FNIP2: variants seen among roughly 807,000 people sequenced by gnomAD.
The protein encoded by FNIP2 is folliculin interacting protein 2.
Under a neutral mutation model 108.7 loss-of-function variants are expected in FNIP2, and 32 were observed. The ratio of observed to expected loss-of-function variants is 0.29; its 90% CI spans 0.22 to 0.40. The LOEUF (loss-of-function observed/expected upper bound fraction) is 0.40. FNIP2 is among the 10% of genes least tolerant of loss of function. The probability of loss-of-function intolerance (pLI) is 1.00; values close to 1 mark genes in which losing one functional copy is unlikely to be tolerated. For synonymous variants in FNIP2, 480 were observed against 496.7 expected (o/e 0.97, Z 0.45); for missense variants, 1,202 against 1,381.6 (o/e 0.87, Z 2.06).
intron 1 of FNIP2, among the ~76,000 whole-genome samples, chr4:158,781,086 A>G (rs930348776): frequency 1.3e-5 from 2 of 151,942 alleles, no homozygotes; most frequent in African/African-American, 2.4e-5. Context: ...TACTATTTCT[A>G]GGGAGCTTAC....
At chr4:158,856,870 C>G (rs986489244) in intron 8 of FNIP2, among the ~76,000 whole-genome samples, 4 of 152,158 alleles carry the variant, frequency 2.6e-5, no homozygotes, top group African/African-American at 9.7e-5. Flanking sequence ...TCTTAAACAT[C>G]ATTTTTTGTA....
chr4:158,902,548 G>A (rs1729418581), intron 16 of FNIP2, among the ~76,000 whole-genome samples: 1 of 151,898 alleles, frequency 6.6e-6, no homozygotes, highest in South Asian at 2.1e-4. Context: ...AGAGTTATCA[G>A]GCAGGGATGT....
intron 10 of FNIP2, 135 bp from the exon 11 acceptor site, chr4:158,861,207 C>A: frequency 1.9e-6 from 2 of 1,065,784 alleles, no homozygotes; most frequent in South Asian, 3.5e-5. Context: ...GTGTGCAACC[C>A]CTGTTATGTG....
At chr4:158,800,764 G>A (rs1273427962) in intron 1 of FNIP2, among the ~76,000 whole-genome samples, 1 of 151,862 alleles carries the variant, frequency 6.6e-6, no homozygotes, top group Non-Finnish European at 1.5e-5. Flanking sequence ...AAGCATACTT[G>A]TTATCAAACT....
In FNIP2 at chr4:158,868,035, AGACG is replaced by A; in HGVS notation, c.1466-64_1466-61del. ...TAAGTTATCTGTTTTGCTCTTGTAA[AGACG>A]GATATATCTGTGACATGCTAACCCC... On this transcript the variant is annotated intron_variant, in intron 12 of 16. Transcript: ENST00000264433. The surrounding 1 kb of genome is among the most constrained non-coding windows in gnomAD (Gnocchi z 4.6). The A allele has an allele frequency of 1.3e-6, 2 of 1,569,808 alleles. No homozygotes were observed. Among genetic ancestry groups the A allele is most frequent in the South Asian group, 2.4e-5 (2 of 83,972 alleles).
intron 12 of FNIP2, among the ~76,000 whole-genome samples, chr4:158,863,706 C>G (rs1461624154): frequency 6.6e-6 from 1 of 152,178 alleles, no homozygotes; most frequent in East Asian, 1.9e-4. Context: ...TGTAAAATGT[C>G]TGTTCCAAAA....
At chr4:158,880,897 A>G (rs1781552061) in intron 14 of FNIP2, among the ~76,000 whole-genome samples, 1 of 152,102 alleles carries the variant, frequency 6.6e-6, no homozygotes, top group Non-Finnish European at 1.5e-5. Context: ...AGGAATACCA[A>G]AGGGGATCTG....
intron 7 of FNIP2, among the ~76,000 whole-genome samples, chr4:158,847,086 A>T (rs1306188517): frequency 1.3e-5 from 2 of 152,212 alleles, no homozygotes; most frequent in Admixed American, 1.3e-4. Flanking sequence ...CCATCCCAGC[A>T]GCTGGAACTT....
At chr4:158,818,776 ATC>A (rs377033259) in intron 1 of FNIP2, among the ~76,000 whole-genome samples, 223 of 152,360 alleles carry the variant, frequency 1.5e-3, no homozygotes, top group Non-Finnish European at 2.5e-3. Context: ...TCATAACTTA[ATC>A]TCTGTTTTTC....
At chr4:158,848,930 G>C (rs1268119783) in intron 7 of FNIP2, among the ~76,000 whole-genome samples, 1 of 152,164 alleles carries the variant, frequency 6.6e-6, no homozygotes, top group African/African-American at 2.4e-5. Flanking sequence ...ATTTGATGAA[G>C]GAGTGGGTAG....
chr4:158,806,382 C>G, intron 1 of FNIP2: 1 of 1,289,328 alleles, frequency 7.8e-7, no homozygotes, highest in Non-Finnish European at 1.0e-6. Context: ...AAAAACACAC[C>G]GGAGTAGACA....
At position 158,891,757 on chromosome 4, in the gene FNIP2, T is replaced by G; in HGVS notation, c.3150+111T>G. The G allele has an allele frequency of 3.9e-6, 4 of 1,030,902 alleles. No homozygotes were observed. In the Admixed American group the frequency reaches 7.6e-5, roughly 20 times the overall value. The allele number at this position is 1,030,902 out of a possible 1,614,324, so 63.9% of individuals were successfully genotyped here. A position where few individuals can be genotyped will look rare whatever the true frequency, so the allele number is the denominator to read the frequency against. ...AGTACTGTTTTAATATAATTGGAGATTAGCATAACTAAAACTAGAACATGC... is the reference window on the plus strand; with the variant it reads ...AGTACTGTTTTAATATAATTGGAGAGTAGCATAACTAAAACTAGAACATGC... On this transcript the variant is annotated intron_variant, in intron 15 of 16. Coordinates refer to ENST00000264433, the MANE Select transcript of FNIP2 (RefSeq NM_020840.3).
intron 15 of FNIP2, among the ~76,000 whole-genome samples, chr4:158,892,244 C>T (rs1413504398): frequency 6.7e-6 from 1 of 148,594 alleles, no homozygotes; most frequent in Non-Finnish European, 1.5e-5. Context: ...CTCAAGTGAT[C>T]CTCCCACCTC....
In FNIP2 at chr4:158,907,785, A is replaced by T. The variant is rs1729969034; in HGVS notation, c.*3241A>T. ...ATCAAGAAGTCCCCTCTGAATGTTA[A>T]TTTTTAAATGTCAAAATATGATGAA... On this transcript the variant is annotated 3_prime_UTR_variant, in exon 17 of 17. Coordinates refer to ENST00000264433, the MANE Select transcript of FNIP2 (RefSeq NM_020840.3). 8 of 152,168 alleles carry T rather than the reference A, an allele frequency of 5.3e-5. No individual in the cohort carries two copies. Among genetic ancestry groups the T allele is most frequent in the Admixed American group, 5.2e-4 (8 of 15,276 alleles). The allele number at this position is 152,168 out of a possible 1,614,324, so 9.4% of individuals were successfully genotyped here.
At chr4:158,777,205 T>C (rs1373059953) in intron 1 of FNIP2, among the ~76,000 whole-genome samples, 1 of 152,224 alleles carries the variant, frequency 6.6e-6, no homozygotes, top group East Asian at 1.9e-4. Flanking sequence ...CTTCTCTATA[T>C]ACTTTTCAGA....
chr4:158,880,256 TG>T lies in FNIP2; in HGVS notation c.2949+9788del, dbSNP rs544250484. On this transcript the variant is annotated intron_variant, in intron 14 of 16. Transcript: ENST00000264433. ...GGCACATATACACTACGGAATACAA[TG>T]CAGCCATAAAAAATGATGAGTTCAT... 1.1e-4 allele frequency among the ~76,000 whole-genome samples: 17 copies of T among 152,258 alleles called. No homozygotes were observed. In the East Asian group the frequency reaches 3.1e-3, roughly 28 times the overall value.
chr4:158,831,631 A>C (rs1005160216), intron 3 of FNIP2, among the ~76,000 whole-genome samples: 1 of 152,208 alleles, frequency 6.6e-6, no homozygotes, highest in African/African-American at 2.4e-5. Context: ...AAACACTTGG[A>C]TCCTAGGTGA....
chr4:158,783,400 G>A (rs1047404151), intron 1 of FNIP2, among the ~76,000 whole-genome samples: 4 of 152,222 alleles, frequency 2.6e-5, no homozygotes. Flanking sequence ...GTTTACCTCA[G>A]AGATGTTTTT....
intron 7 of FNIP2, chr4:158,836,459 G>A (rs1311653980): frequency 1.3e-5 from 2 of 152,030 alleles, no homozygotes; most frequent in Admixed American, 1.3e-4. Context: ...GTGTTTTGGT[G>A]TTCATAATCT....
Sources: allele counts gnomAD v4.1 joint callset (sites outside exome capture counted in the v4.1 genomes callset), GRCh38; gene constraint gnomAD v4.1.1; non-coding constraint Gnocchi (gnomAD v3.1); transcripts MANE v1.5; gene names NCBI Gene and HGNC (gene_info 2026-07-23, HGNC 2026-07-21).